The following CLASP2 variants were observed in gnomAD, a reference collection of about 807,000 sequenced individuals.
CLASP2 encodes the protein cytoplasmic linker associated protein 2.
A neutral mutation model predicts 194.4 loss-of-function variants in CLASP2; 47 were observed. The ratio of observed to expected loss-of-function variants is 0.24; its 90% CI spans 0.19 to 0.31. The LOEUF (loss-of-function observed/expected upper bound fraction) is 0.31, where lower values mean the gene tolerates loss of function less well. CLASP2 is among the 10% of genes least tolerant of loss of function. The pLI, the probability that CLASP2 is intolerant of heterozygous loss-of-function variation, is 1.00. For missense variants in CLASP2, 1,445 were observed against 1,823.6 expected (o/e 0.79, Z 3.78); for synonymous variants, 619 against 633.5 (o/e 0.98, Z 0.34).
intron 6 of CLASP2, among the ~76,000 whole-genome samples, chr3:33,678,622 G>A (rs953380226): frequency 2.6e-5 from 4 of 152,142 alleles, no homozygotes; most frequent in Admixed American, 6.5e-5. Flanking sequence ...GTTGCCAGTA[G>A]TGCAAGAAAT....
chr3:33,601,741 C>A (rs1560248656), intron 18 of CLASP2, among the ~76,000 whole-genome samples: 1 of 152,106 alleles, frequency 6.6e-6, no homozygotes, highest in Non-Finnish European at 1.5e-5. Context: ...ATGGTTCTAA[C>A]TTAATTTTAT....
intron 29 of CLASP2, among the ~76,000 whole-genome samples, chr3:33,553,244 T>G (rs1040646633): frequency 6.6e-6 from 1 of 152,064 alleles, no homozygotes; most frequent in African/African-American, 2.4e-5. Flanking sequence ...CCTTCCTACT[T>G]CCAGTTAAAA....
Position 33,633,863 on chromosome 3 carries a change from CAT to C in CLASP2, c.863-1494_863-1493del, listed in dbSNP as rs576635533. ...CAAAGAGAAAAAGGAAATGGAAAGA[CAT>C]AAAGAGATACAAAGGACAGTATGAG... On this transcript the variant is annotated intron_variant, in intron 8 of 38. Transcript: ENST00000682230. Among the ~76,000 whole-genome samples, 635 of 152,132 alleles carry C rather than the reference CAT, an allele frequency of 4.2e-3. 1 individual carries two copies. Among genetic ancestry groups the C allele is most frequent in the Non-Finnish European group, 7.6e-3 (519 of 67,964 alleles).
At position 33,545,074 on chromosome 3, in the gene CLASP2, C is replaced by T. The variant is rs1358611354; in HGVS notation, c.3154-233G>A. On this transcript the variant is annotated intron_variant, in intron 30 of 38. Transcript: ENST00000682230. ...AATATGAAAAGCATAACAAATATGACCTAACAGACAATGGAAAAGTTAACC... is the reference window on the plus strand; with the variant it reads ...AATATGAAAAGCATAACAAATATGATCTAACAGACAATGGAAAAGTTAACC... The T allele has an allele frequency of 2.2e-5, 7 of 316,564 alleles. No individual in the cohort carries two copies. The Admixed American group carries it at 2.4e-4, about 11-fold the overall frequency. 19.6% of individuals were successfully genotyped at this position (316,564 alleles called of 1,614,324 possible).
intron 7 of CLASP2, among the ~76,000 whole-genome samples, chr3:33,656,025 A>G (rs2084141354): frequency 6.6e-6 from 1 of 152,188 alleles, no homozygotes; most frequent in African/African-American, 2.4e-5. Context: ...ATAATCCTAC[A>G]GGTTTTTAAC....
intron 30 of CLASP2, among the ~76,000 whole-genome samples, chr3:33,545,632 G>C (rs1416423698): frequency 6.6e-6 from 1 of 152,162 alleles, no homozygotes; most frequent in Admixed American, 6.6e-5. Flanking sequence ...TAAGACTGCT[G>C]TAACAGGCCA....
chr3:33,520,963 C>T (rs1174748958), intron 34 of CLASP2, among the ~76,000 whole-genome samples: 1 of 151,752 alleles, frequency 6.6e-6, no homozygotes, highest in Non-Finnish European at 1.5e-5. Flanking sequence ...ATCATCTTCC[C>T]TTAATAGGAA....
At chr3:33,711,834 T>C (rs549105839) in intron 1 of CLASP2, among the ~76,000 whole-genome samples, 85 of 152,266 alleles carry the variant, frequency 5.6e-4, no homozygotes, top group African/African-American at 1.8e-3. Flanking sequence ...GATACCACCT[T>C]ACCCCTGCAA....
intron 21 of CLASP2, among the ~76,000 whole-genome samples, chr3:33,586,013 T>C (rs1292191278): frequency 6.6e-6 from 1 of 152,192 alleles, no homozygotes; most frequent in East Asian, 1.9e-4. Context: ...AGAAACTTGT[T>C]TTTTGCTATT....
At chr3:33,699,567 T>G (rs1468635152) in intron 1 of CLASP2, among the ~76,000 whole-genome samples, 2 of 151,854 alleles carry the variant, frequency 1.3e-5, no homozygotes, top group Non-Finnish European at 2.9e-5. Context: ...AGTATAGTAG[T>G]CCCCCCTTAT....
In CLASP2 at chr3:33,599,680, A is replaced by T. The variant is rs139150549; in HGVS notation, c.1925-2946T>A. Among the ~76,000 whole-genome samples the T allele has an allele frequency of 1.6e-3, 251 of 152,308 alleles. 1 individual carries two copies. Among genetic ancestry groups the T allele is most frequent in the African/African-American group, 5.4e-3 (226 of 41,576 alleles). ...CACTCCCTCTAATTCATACATGTATAGCCATAAGTGAGGCTCAAAGTAGAA... is the reference window on the plus strand; with the variant it reads ...CACTCCCTCTAATTCATACATGTATTGCCATAAGTGAGGCTCAAAGTAGAA... On this transcript the variant is annotated intron_variant, in intron 18 of 38. Coordinates refer to ENST00000682230, the MANE Select transcript of CLASP2 (RefSeq NM_001365631.1).
intron 1 of CLASP2, among the ~76,000 whole-genome samples, chr3:33,707,202 T>C (rs75640382): frequency 0.015 from 2,272 of 152,258 alleles, 30 homozygotes; most frequent in Non-Finnish European, 0.023. Flanking sequence ...CAAAGATTAC[T>C]AGGGTCATGT....
intron 7 of CLASP2, among the ~76,000 whole-genome samples, chr3:33,656,457 C>G (rs987029761): frequency 6.6e-6 from 1 of 152,116 alleles, no homozygotes; most frequent in Non-Finnish European, 1.5e-5. Flanking sequence ...TATTTTTCAA[C>G]CATCTGATAG....
chr3:33,606,512 T>C, intron 16 of CLASP2, 79 bp downstream of exon 16: 1 of 1,123,412 alleles, frequency 8.9e-7, no homozygotes, highest in South Asian at 1.5e-5. Context: ...AGCAAACAGA[T>C]ATTCAAGTAT....
At chr3:33,685,052 A>G (rs2090450535) in intron 5 of CLASP2, among the ~76,000 whole-genome samples, 1 of 144,242 alleles carries the variant, frequency 6.9e-6, no homozygotes, top group South Asian at 2.2e-4. Context: ...TAATAAATCT[A>G]TTTGTAGGCC....
chr3:33,649,024 G>A lies in CLASP2; in HGVS notation c.716-4121C>T, dbSNP rs570866363. Among the ~76,000 whole-genome samples the A allele has an allele frequency of 1.4e-4, 21 of 152,108 alleles. 1 individual carries two copies. The highest frequency in any genetic ancestry group is 1.9e-4 in the African/African-American group (8 of 41,410). On this transcript the variant is annotated intron_variant, in intron 7 of 38. Coordinates refer to ENST00000682230, the MANE Select transcript of CLASP2 (RefSeq NM_001365631.1). Reference sequence around the variant, plus strand: ...TCTACCAGAACTCTAAGATCTTAACGGTCACACAGGTCTCTCCAACCTTAT... The same window carrying A: ...TCTACCAGAACTCTAAGATCTTAACAGTCACACAGGTCTCTCCAACCTTAT...
At chr3:33,695,740 G>C (rs1010781222) in intron 2 of CLASP2, among the ~76,000 whole-genome samples, 2 of 152,024 alleles carry the variant, frequency 1.3e-5, no homozygotes, top group African/African-American at 4.8e-5. Flanking sequence ...AGGAATTCAA[G>C]ACCAGCCTGG....
chr3:33,684,431 A>T lies in CLASP2; in HGVS notation c.572T>A (p.Ile191Lys), dbSNP rs752860022. The T allele has an allele frequency of 1.9e-6, 3 of 1,601,694 alleles. No individual in the cohort carries two copies. The highest frequency in any genetic ancestry group is 1.3e-5 in the African/African-American group (1 of 74,226). ...TCCCACATGTCTATAAATCTCCACTATAGCCAATATTGCAGCATCTCTCAC... is the reference window on the plus strand; with the variant it reads ...TCCCACATGTCTATAAATCTCCACTTTAGCCAATATTGCAGCATCTCTCAC... ...SQVRDAAILA[I>K]VEIYRHVGEK... The change falls in exon 6 of 39, where the codon ATA becomes AAA. Residue 191 changes from isoleucine (I) to lysine (K), a missense_variant. Ile to Lys is a moderately radical substitution (Grantham distance 102, BLOSUM62 -3). Transcript: ENST00000682230.
At chr3:33,696,956 A>G (rs763998863) in intron 1 of CLASP2, 23 bp from the exon 2 acceptor site, 2 of 1,327,856 alleles carry the variant, frequency 1.5e-6, no homozygotes, top group Non-Finnish European at 2.1e-6. Context: ...AGGGATTTTA[A>G]TGAATATAAA....
Sources: gnomAD v4.1 joint callset for allele counts (sites outside exome capture counted in the v4.1 genomes callset) on GRCh38, gnomAD v4.1.1 for gene constraint, MANE v1.5 for transcripts, NCBI Gene and HGNC (gene_info 2026-07-23, HGNC 2026-07-21) for gene names.